The following OSBPL9 variants were observed in gnomAD, a reference collection of about 807,000 sequenced individuals.
OSBPL9 encodes oxysterol-binding protein-related protein 9.
OSBPL9 carries 40 observed loss-of-function variants against 106.6 expected under a neutral mutation model. The ratio of observed to expected loss-of-function variants is 0.38; its 90% confidence interval spans 0.29 to 0.49. The LOEUF (loss-of-function observed/expected upper bound fraction) is 0.49. Among genes scored for constraint, OSBPL9 ranks in the 20% least tolerant of loss-of-function variants. OSBPL9 has a pLI of 0.97. For missense variants in OSBPL9, 609 were observed against 887.2 expected, an observed-to-expected ratio of 0.69 and a Z score of 3.98; for synonymous variants, 269 against 295.4, an observed-to-expected ratio of 0.91 and a Z score of 0.92.
At position 51,610,805 on chromosome 1, in the gene OSBPL9, C is replaced by T. The variant is rs146076607; in HGVS notation, c.-352-3500C>T. ...CTGCTGCTGCTAAGCAGATTGCCTG[C>T]GGCTTTGTGTTCCATGTTGTCTACG... is the stretch of plus-strand genomic sequence containing the variant. On this transcript the variant is annotated intron_variant, in intron 2 of 25. Coordinates refer to the OSBPL9 transcript ENST00000371714. Among the ~76,000 whole-genome samples the T allele has an allele frequency of 3.3e-4, 51 of 152,356 alleles. 1 individual carries two copies. The East Asian group carries it at 7.9e-3, about 24-fold the overall frequency.
chr1:51,684,721 A>T (rs1255373440), intron 3 of OSBPL9, among the ~76,000 whole-genome samples: 2 of 152,028 alleles, frequency 1.3e-5, no homozygotes, highest in East Asian at 3.9e-4. Context: ...TTTAGTAGAG[A>T]CAGGGTTTTA....
At chr1:51,668,456 T>C (rs2148758463) in intron 2 of OSBPL9, among the ~76,000 whole-genome samples, 1 of 152,192 alleles carries the variant, frequency 6.6e-6, no homozygotes, top group South Asian at 2.1e-4. Context: ...ACCCTGTCTG[T>C]ACTAAAAATA....
chr1:51,559,304 G>A, the OSBPL9 span, among the ~76,000 whole-genome samples: 7 of 152,174 alleles, frequency 4.6e-5, no homozygotes, highest in East Asian at 1.9e-4. Context: ...TGGGGGTTGC[G>A]GGGGATGGTG....
the OSBPL9 span, among the ~76,000 whole-genome samples, chr1:51,521,080 G>T: frequency 6.6e-6 from 1 of 152,198 alleles, no homozygotes; most frequent in Non-Finnish European, 1.5e-5. Flanking sequence ...ATGAGGTAAT[G>T]CAGGGTCACA....
the OSBPL9 span, among the ~76,000 whole-genome samples, chr1:51,566,738 G>T: frequency 5.3e-5 from 8 of 152,040 alleles, no homozygotes; most frequent in Non-Finnish European, 1.0e-4. Context: ...ACACTCCTCT[G>T]GTCTCCCTAG....
At chr1:51,647,269 AAATCC>A (rs1646219537) in intron 1 of OSBPL9, among the ~76,000 whole-genome samples, 1 of 152,174 alleles carries the variant, frequency 6.6e-6, no homozygotes, top group African/African-American at 2.4e-5. Context: ...TTCTTGGGAT[AAATCC>A]CACTTGGTCA....
intron 3 of OSBPL9, among the ~76,000 whole-genome samples, chr1:51,686,407 T>C (rs534519848): frequency 6.6e-6 from 1 of 152,350 alleles, no homozygotes; most frequent in East Asian, 1.9e-4. Flanking sequence ...TACTCTTGGC[T>C]ATACTCATGT....
intron 14 of OSBPL9, among the ~76,000 whole-genome samples, chr1:51,774,718 C>T (rs1187331613): frequency 1.3e-5 from 2 of 152,132 alleles, no homozygotes; most frequent in African/African-American, 4.8e-5. Flanking sequence ...GCTAAACAAG[C>T]TCTTGAACCC....
the OSBPL9 span, among the ~76,000 whole-genome samples, chr1:51,532,988 TG>T: frequency 3.4e-4 from 51 of 152,112 alleles, 1 homozygote; most frequent in Admixed American, 3.3e-3. Context: ...AAATGGTAAT[TG>T]GTAATTAAAT....
At chr1:51,765,762 A>C in intron 11 of OSBPL9, 60 bp from the exon 12 acceptor site, 1 of 1,448,074 alleles carries the variant, frequency 6.9e-7, no homozygotes, top group Non-Finnish European at 9.3e-7. Flanking sequence ...CTTTGACTCC[A>C]TCTCCCTAGT....
chr1:51,663,295 A>AGT (rs10544368), intron 2 of OSBPL9, among the ~76,000 whole-genome samples: 46,282 of 148,446 alleles, frequency 0.31, 7,224 homozygotes, highest in South Asian at 0.46. Flanking sequence ...TATGCTGGCA[A>AGT]GTGTGTGTGT....
At chr1:51,758,032 G>GT (rs2149052912) in intron 9 of OSBPL9, among the ~76,000 whole-genome samples, 1 of 152,258 alleles carries the variant, frequency 6.6e-6, no homozygotes, top group East Asian at 1.9e-4. Flanking sequence ...TTTAAAGCAA[G>GT]TTGTAGAATG....
the OSBPL9 span, among the ~76,000 whole-genome samples, chr1:51,551,967 A>G: frequency 1.4e-5 from 2 of 145,104 alleles, no homozygotes; most frequent in Non-Finnish European, 3.0e-5. Flanking sequence ...GTGAATAGAA[A>G]TGTGTGTGTG....
At position 51,729,791 on chromosome 1, in the gene OSBPL9, G is replaced by GGGGAC; in HGVS notation, c.318+15717_318+15721dup. On this transcript the variant is annotated intron_variant, in intron 4 of 23. Transcript: ENST00000428468. This position sits in a 1 kb window ranked among gnomAD's most constrained non-coding sequence, Gnocchi z 5.1. Reference sequence around the variant, plus strand: ...ATCGGGGCGACCCCTCCGCCGGGGAGGGGACGGGAAAGGGGTGGGGGGTGA... The same window carrying GGGGAC: ...ATCGGGGCGACCCCTCCGCCGGGGAGGGGACGGGACGGGAAAGGGGTGGGGGGTGA... The GGGGAC allele has an allele frequency of 8.1e-7, 1 of 1,231,752 alleles. No individual in the cohort carries two copies. The highest frequency in any genetic ancestry group is 1.0e-6 in the Non-Finnish European group (1 of 980,004). 76.3% of individuals were successfully genotyped at this position (1,231,752 alleles called of 1,614,324 possible). A position where few individuals can be genotyped will look rare whatever the true frequency, so the allele number is the denominator to read the frequency against.
chr1:51,691,575 C>T (rs186303052), intron 3 of OSBPL9, among the ~76,000 whole-genome samples: 15 of 151,614 alleles, frequency 9.9e-5, no homozygotes, highest in East Asian at 3.9e-4. Context: ...CTTGAGCCAC[C>T]GCACCCAGCC....
chr1:51,533,688 C>T, the OSBPL9 span, among the ~76,000 whole-genome samples: 1 of 151,940 alleles, frequency 6.6e-6, no homozygotes, highest in African/African-American at 2.4e-5. Context: ...CACAGTTACA[C>T]CATTGCAATG....
the OSBPL9 span, among the ~76,000 whole-genome samples, chr1:51,571,564 G>A: frequency 6.6e-6 from 1 of 152,174 alleles, no homozygotes; most frequent in African/African-American, 2.4e-5. Flanking sequence ...CTACTCCAGA[G>A]GCTGAGGTGG....
At chr1:51,762,471 A>G (rs1174901193) in intron 11 of OSBPL9, among the ~76,000 whole-genome samples, 9 of 152,308 alleles carry the variant, frequency 5.9e-5, no homozygotes, top group Non-Finnish European at 8.8e-5. Context: ...GGAATAATTT[A>G]AATAAAATAA....
intron 4 of OSBPL9, among the ~76,000 whole-genome samples, chr1:51,737,449 A>C (rs1439687775): frequency 6.6e-6 from 1 of 152,038 alleles, no homozygotes; most frequent in Non-Finnish European, 1.5e-5. Context: ...ATAAAAACTC[A>C]GAGTCACTGT....
Sources: allele counts gnomAD v4.1 joint callset (sites outside exome capture counted in the v4.1 genomes callset), GRCh38; gene constraint gnomAD v4.1.1; non-coding constraint Gnocchi (gnomAD v3.1); transcripts MANE v1.5; gene names NCBI Gene and HGNC (gene_info 2026-07-23, HGNC 2026-07-21).